The following CCDC192 variants were observed in gnomAD, a reference collection of about 807,000 sequenced individuals.
CCDC192 encodes the protein coiled-coil domain-containing protein 192.
chr5:127,712,970 C>T (rs894970741), intron 2 of CCDC192, among the ~76,000 whole-genome samples: 1 of 152,214 alleles, frequency 6.6e-6, no homozygotes, highest in Non-Finnish European at 1.5e-5. Context: ...TACAGTGGCT[C>T]ACGCCTGTAA....
chr5:127,816,894 T>G (rs186699387), intron 5 of CCDC192, among the ~76,000 whole-genome samples: 131 of 152,282 alleles, frequency 8.6e-4, no homozygotes, highest in African/African-American at 2.9e-3. Flanking sequence ...TAAAAGAAAA[T>G]CAAGGCAAGT....
At chr5:127,775,509 A>G (rs1022842393) in intron 3 of CCDC192, among the ~76,000 whole-genome samples, 3 of 152,172 alleles carry the variant, frequency 2.0e-5, no homozygotes, top group Non-Finnish European at 4.4e-5. Flanking sequence ...GTGGTGTAGC[A>G]TGCTACCTCC....
intron 5 of CCDC192, among the ~76,000 whole-genome samples, chr5:127,824,721 G>T (rs1368714599): frequency 6.6e-6 from 1 of 152,154 alleles, no homozygotes; most frequent in Non-Finnish European, 1.5e-5. Context: ...AGCCCTGTGG[G>T]CTGTGTAGGA....
intron 3 of CCDC192, among the ~76,000 whole-genome samples, chr5:127,795,504 G>A (rs534534331): frequency 1.1e-4 from 17 of 151,888 alleles, no homozygotes; most frequent in African/African-American, 3.4e-4. Context: ...CATCCCCATC[G>A]CTATTTACAG....
chr5:127,853,359 C>G (rs1367465229), intron 5 of CCDC192, among the ~76,000 whole-genome samples: 1 of 152,110 alleles, frequency 6.6e-6, no homozygotes, highest in Non-Finnish European at 1.5e-5. Flanking sequence ...CTTTCTGAAC[C>G]AAGCACTCTT....
intron 2 of CCDC192, among the ~76,000 whole-genome samples, chr5:127,734,766 AT>A (rs1359858277): frequency 6.7e-6 from 1 of 150,188 alleles, no homozygotes; most frequent in Non-Finnish European, 1.5e-5. Flanking sequence ...CCACTTTTTG[AT>A]GGGGTTGTTT....
At chr5:127,836,576 C>T (rs1344635354) in intron 5 of CCDC192, among the ~76,000 whole-genome samples, 1 of 152,220 alleles carries the variant, frequency 6.6e-6, no homozygotes, top group African/African-American at 2.4e-5. Context: ...CAGGCATTTT[C>T]ATACCTCCTC....
At chr5:127,909,187 G>T (rs542829778) in intron 6 of CCDC192, among the ~76,000 whole-genome samples, 1 of 152,210 alleles carries the variant, frequency 6.6e-6, no homozygotes, top group East Asian at 1.9e-4. Flanking sequence ...CAGTGGACAG[G>T]GAGATACACA....
intron 5 of CCDC192, among the ~76,000 whole-genome samples, chr5:127,820,410 C>T (rs755586204): frequency 2.6e-5 from 4 of 152,100 alleles, no homozygotes; most frequent in South Asian, 4.1e-4. Context: ...GGAGAAACCT[C>T]GCCTCTACTA....
intron 5 of CCDC192, among the ~76,000 whole-genome samples, chr5:127,860,978 AT>A (rs1200317683): frequency 8.5e-5 from 13 of 152,154 alleles, no homozygotes; most frequent in Admixed American, 6.5e-4. Context: ...ATTAGAAAGG[AT>A]TTAAAGCATT....
intron 5 of CCDC192, among the ~76,000 whole-genome samples, chr5:127,841,291 A>G (rs936283759): frequency 1.3e-5 from 2 of 152,182 alleles, no homozygotes; most frequent in African/African-American, 4.8e-5. Flanking sequence ...TATAACCTGG[A>G]AGAGCTGAGC....
chr5:127,726,665 C>T (rs1752341252), intron 2 of CCDC192, among the ~76,000 whole-genome samples: 1 of 152,234 alleles, frequency 6.6e-6, no homozygotes, highest in Admixed American at 6.5e-5. Context: ...ACCAGATTGC[C>T]TCTTGAGGCT....
chr5:127,717,928 C>G (rs76542868), intron 2 of CCDC192, among the ~76,000 whole-genome samples: 1 of 98,072 alleles, frequency 1.0e-5, no homozygotes, highest in African/African-American at 3.9e-5. Context: ...TAAAGCTAGA[C>G]AAAAAAAAAA....
intron 1 of CCDC192, among the ~76,000 whole-genome samples, chr5:127,707,478 T>C (rs1751038379): frequency 1.3e-5 from 2 of 152,172 alleles, no homozygotes; most frequent in Non-Finnish European, 2.9e-5. Context: ...GACTACTTAT[T>C]CTCAAGAGAA....
chr5:127,918,856 C>T (rs935050993), intron 6 of CCDC192, among the ~76,000 whole-genome samples: 2 of 120,982 alleles, frequency 1.7e-5, no homozygotes, highest in Non-Finnish European at 3.1e-5. Context: ...TATGTATGTG[C>T]ATGTGTGTAT....
intron 5 of CCDC192, among the ~76,000 whole-genome samples, chr5:127,865,803 G>A (rs146700216): frequency 6.6e-6 from 1 of 151,990 alleles, no homozygotes; most frequent in African/African-American, 2.4e-5. Context: ...GTTCAGCTTT[G>A]ATCACTGGGT....
intron 2 of CCDC192, among the ~76,000 whole-genome samples, chr5:127,739,001 G>A (rs770487613): frequency 4.6e-5 from 7 of 152,064 alleles, no homozygotes; most frequent in Non-Finnish European, 8.8e-5. Context: ...GGAGGAGGAG[G>A]CGCTCTGCTT....
intron 5 of CCDC192, among the ~76,000 whole-genome samples, chr5:127,827,624 C>A (rs969350713): frequency 3.9e-5 from 6 of 152,146 alleles, no homozygotes; most frequent in Non-Finnish European, 8.8e-5. Flanking sequence ...TGCGGAAGAA[C>A]GCCTTGTGCT....
In CCDC192 at chr5:127,919,243, C is replaced by G. The variant is rs189062234; in HGVS notation, c.536-21939C>G. On this transcript the variant is annotated intron_variant, in intron 6 of 6. Transcript: ENST00000514853. ...GAGTCAGGTGCTTTCACCTGGTTCC[C>G]ATGACTATCTCTGACAATATCTGAA... Among the ~76,000 whole-genome samples the G allele has an allele frequency of 4.3e-4, 65 of 152,150 alleles. 1 individual carries two copies. The highest frequency in any genetic ancestry group is 3.4e-3 in the Middle Eastern group (1 of 294).
Sources: allele counts gnomAD v4.1 joint callset (sites outside exome capture counted in the v4.1 genomes callset), GRCh38; gene constraint gnomAD v4.1.1; transcripts MANE v1.5; gene names NCBI Gene and HGNC (gene_info 2026-07-23, HGNC 2026-07-21).